Variants in DCDC1 observed in about 807,000 individuals in gnomAD.
DCDC1 encodes the protein doublecortin domain containing 1, also known as doublecortin domain-containing protein 1.
DCDC1 carries 200 observed loss-of-function variants against 178.3 expected under a neutral mutation model. That is an observed-to-expected ratio of 1.12 (90% CI 1.00 to 1.26). The LOEUF is 1.26. Ranked by LOEUF, DCDC1 falls within the 50% of genes most tolerant of loss-of-function variation. The pLI is 0.00. For synonymous variants in DCDC1, 690 were observed against 604.8 expected, an observed-to-expected ratio of 1.14 and a Z score of -2.07; for missense variants, 1,983 against 1,749.2, an observed-to-expected ratio of 1.13 and a Z score of -2.38.
At chr11:31,050,734 C>A (rs1025157397) in intron 20 of DCDC1, among the ~76,000 whole-genome samples, 1 of 152,150 alleles carries the variant, frequency 6.6e-6, no homozygotes, top group African/African-American at 2.4e-5. Flanking sequence ...CACTGCTTCA[C>A]TAGACCCAGA....
chr11:30,902,948 A>G (rs1944800650), intron 32 of DCDC1, among the ~76,000 whole-genome samples: 1 of 152,196 alleles, frequency 6.6e-6, no homozygotes, highest in Non-Finnish European at 1.5e-5. Flanking sequence ...AGTGTGTCCA[A>G]AAATGCAATA....
At chr11:31,108,055 C>T (rs1009407076) in intron 12 of DCDC1, among the ~76,000 whole-genome samples, 3 of 152,204 alleles carry the variant, frequency 2.0e-5, no homozygotes, top group African/African-American at 7.2e-5. Context: ...AGTCACAGGT[C>T]TTCCATGCAT....
At chr11:30,957,880 C>T (rs1276948970) in intron 20 of DCDC1, among the ~76,000 whole-genome samples, 2 of 152,176 alleles carry the variant, frequency 1.3e-5, no homozygotes, top group Admixed American at 6.5e-5. Context: ...ACTGATTCCT[C>T]TCCCTTAACT....
chr11:30,879,496 G>C (rs1942449454), intron 37 of DCDC1, among the ~76,000 whole-genome samples: 1 of 152,090 alleles, frequency 6.6e-6, no homozygotes, highest in Non-Finnish European at 1.5e-5. Flanking sequence ...AACATATATA[G>C]CTCATTGGAA....
intron 20 of DCDC1, among the ~76,000 whole-genome samples, chr11:30,995,793 C>A (rs868229816): frequency 1.3e-5 from 2 of 152,080 alleles, no homozygotes; most frequent in African/African-American, 4.8e-5. Context: ...AAATGGATCA[C>A]AGACTTAATG....
intron 9 of DCDC1, among the ~76,000 whole-genome samples, chr11:31,198,329 G>A (rs890687996): frequency 1.4e-4 from 22 of 152,070 alleles, no homozygotes; most frequent in Non-Finnish European, 2.2e-4. Context: ...GTGATCATGG[G>A]ACTTGTCTTG....
At chr11:31,180,661 A>C (rs1317197571) in intron 9 of DCDC1, among the ~76,000 whole-genome samples, 2 of 151,972 alleles carry the variant, frequency 1.3e-5, no homozygotes. Context: ...GGAATGGTGC[A>C]CTCCAGCCCA....
At chr11:30,933,432 A>C (rs1457473471) in intron 21 of DCDC1, among the ~76,000 whole-genome samples, 2 of 152,154 alleles carry the variant, frequency 1.3e-5, no homozygotes, top group Non-Finnish European at 2.9e-5. Context: ...CTATATGACT[A>C]AACTCTCATC....
chr11:31,262,700 T>G (rs932567322), intron 8 of DCDC1: 3 of 194,488 alleles, frequency 1.5e-5, no homozygotes, highest in African/African-American at 6.9e-5. Context: ...CTTTCCCAAG[T>G]TGAAGTTCAG....
intron 21 of DCDC1, among the ~76,000 whole-genome samples, chr11:30,948,793 G>T (rs887827151): frequency 2.0e-5 from 3 of 152,126 alleles, no homozygotes; most frequent in African/African-American, 7.2e-5. Flanking sequence ...GGGAAAACTG[G>T]CTAGCAATAT....
At chr11:31,298,961 G>A (rs1285171842) in intron 6 of DCDC1, among the ~76,000 whole-genome samples, 2 of 152,194 alleles carry the variant, frequency 1.3e-5, no homozygotes, top group African/African-American at 4.8e-5. Context: ...TATAGATAAT[G>A]ACATTAAATA....
At chr11:31,184,129 G>A (rs891702893) in intron 9 of DCDC1, among the ~76,000 whole-genome samples, 3 of 152,030 alleles carry the variant, frequency 2.0e-5, no homozygotes, top group Non-Finnish European at 2.9e-5. Context: ...CAGAAATAAC[G>A]CCACACATCT....
intron 9 of DCDC1, among the ~76,000 whole-genome samples, chr11:31,238,681 TTTCATAGGAA>T (rs1976742478): frequency 6.6e-6 from 1 of 152,134 alleles, no homozygotes; most frequent in Non-Finnish European, 1.5e-5. Flanking sequence ...GTTAACTACA[TTTCATAGGAA>T]TGCGTTTATG....
intron 20 of DCDC1, among the ~76,000 whole-genome samples, chr11:30,963,621 A>G (rs1357251152): frequency 1.3e-5 from 2 of 152,118 alleles, no homozygotes; most frequent in Non-Finnish European, 2.9e-5. Flanking sequence ...AGAGATGATA[A>G]GAGCTGGACT....
chr11:30,940,988 A>G, intron 21 of DCDC1, among the ~76,000 whole-genome samples: 1 of 152,130 alleles, frequency 6.6e-6, no homozygotes, highest in East Asian at 1.9e-4. Context: ...TCTTCGTCTC[A>G]CAAGTTAGTT....
intron 20 of DCDC1, among the ~76,000 whole-genome samples, chr11:31,018,408 T>G (rs907246463): frequency 6.6e-6 from 1 of 152,150 alleles, no homozygotes; most frequent in African/African-American, 2.4e-5. Flanking sequence ...TAAGACAAGG[T>G]CACTGGTATT....
At chr11:31,285,481 T>A (rs909927026) in intron 7 of DCDC1, among the ~76,000 whole-genome samples, 1 of 152,154 alleles carries the variant, frequency 6.6e-6, no homozygotes, top group Non-Finnish European at 1.5e-5. Context: ...CTAAATTATT[T>A]TACCCACACT....
At chr11:31,155,465 C>T (rs185546915) in intron 9 of DCDC1, among the ~76,000 whole-genome samples, 2 of 152,280 alleles carry the variant, frequency 1.3e-5, no homozygotes, top group Admixed American at 6.5e-5. Context: ...TTTGAAATCT[C>T]CACAGAAAAA....
At chr11:30,960,285 A>G (rs1400024558) in intron 20 of DCDC1, among the ~76,000 whole-genome samples, 3 of 152,162 alleles carry the variant, frequency 2.0e-5, no homozygotes, top group African/African-American at 7.2e-5. Flanking sequence ...TGCAGTGCCT[A>G]TATAACTTCA....
Sources: allele counts gnomAD v4.1 joint callset (sites outside exome capture counted in the v4.1 genomes callset), GRCh38; gene constraint gnomAD v4.1.1; transcripts MANE v1.5; gene names NCBI Gene and HGNC (gene_info 2026-07-23, HGNC 2026-07-21).